CHRM1: variants seen among roughly 807,000 people sequenced by gnomAD.
CHRM1 encodes cholinergic receptor muscarinic 1.
A neutral mutation model predicts 31.6 loss-of-function variants in CHRM1; 5 were observed. The ratio of observed to expected loss-of-function variants is 0.16; its 90% CI spans 0.08 to 0.33. The LOEUF (loss-of-function observed/expected upper bound fraction) is 0.33, where lower values mean the gene tolerates loss of function less well. CHRM1 is among the 10% of genes least tolerant of loss of function. The pLI, the probability that CHRM1 is intolerant of heterozygous loss-of-function variation, is 1.00. For missense variants in CHRM1, 338 were observed against 610.3 expected, an observed-to-expected ratio of 0.55 and a Z score of 4.70; for synonymous variants, 227 against 249.7, an observed-to-expected ratio of 0.91 and a Z score of 0.86.
chr11:62,919,853 A>G (rs1392156005), intron 1 of CHRM1, among the ~76,000 whole-genome samples: 1 of 152,136 alleles, frequency 6.6e-6, no homozygotes, highest in African/African-American at 2.4e-5. Flanking sequence ...GACCATGAGC[A>G]TGTCCCTTTC....
chr11:62,910,249 G>C lies in CHRM1; in HGVS notation c.852C>G (p.Ser284=). 1 of 1,613,366 alleles carries C rather than the reference G, an allele frequency of 6.2e-7. No homozygotes were observed. Among genetic ancestry groups the C allele is most frequent in the East Asian group, 2.2e-5 (1 of 44,852 alleles). ...CCTCTGAGGATGTGAGGGACTCCAT[G>C]GAGCCTTCGTCCTCTTCCTCTTCTT... ...WKEEEEEDEG[S]MESLTSSEGE... The change falls in exon 2 of 2, where the codon TCC becomes TCG. Residue 284 remains serine, a synonymous_variant. Transcript: ENST00000306960. The surrounding 1 kb of genome is among the most constrained non-coding windows in gnomAD (Gnocchi z 8.7).
intron 1 of CHRM1, among the ~76,000 whole-genome samples, chr11:62,920,510 G>A (rs1310834529): frequency 6.6e-6 from 1 of 152,170 alleles, no homozygotes; most frequent in African/African-American, 2.4e-5. Context: ...GACCCACCCT[G>A]CGGGAGCCCA....
At position 62,910,375 on chromosome 11, in the gene CHRM1, C is replaced by T; in HGVS notation, c.726G>A (p.Glu242=). ...GKGGGSSSSS[E]RSQPGAEGSP... ...AGCCCTCAGCCCCTGGCTGAGACCT[C>T]TCTGAGCTGCTGCTGCTGCCACCCC... is the stretch of plus-strand genomic sequence containing the variant. Residue 242 remains glutamate, a synonymous_variant, in exon 2 of 2, where the codon GAG becomes GAA. Coordinates refer to ENST00000306960, the MANE Select transcript of CHRM1 (RefSeq NM_000738.3). The surrounding 1 kb of genome is among the most constrained non-coding windows in gnomAD (Gnocchi z 8.7). The T allele has an allele frequency of 6.2e-7, 1 of 1,610,366 alleles. No homozygotes were observed. Among genetic ancestry groups the T allele is most frequent in the Non-Finnish European group, 8.5e-7 (1 of 1,180,006 alleles).
chr11:62,912,283 G>A (rs906632262), intron 1 of CHRM1, among the ~76,000 whole-genome samples: 4 of 146,506 alleles, frequency 2.7e-5, no homozygotes, highest in African/African-American at 7.5e-5. Context: ...CAGGAGAATC[G>A]TTTGAACCTG....
At chr11:62,916,461 GAGA>G (rs1389246332) in intron 1 of CHRM1, among the ~76,000 whole-genome samples, 2 of 152,148 alleles carry the variant, frequency 1.3e-5, no homozygotes, top group Non-Finnish European at 2.9e-5. Flanking sequence ...GGGGACTTGT[GAGA>G]AGAAGTAACT....
chr11:62,910,322 C>T lies in CHRM1; in HGVS notation c.779G>A (p.Cys260Tyr), dbSNP rs2085863094. 2.5e-6 allele frequency: 4 copies of T among 1,610,866 alleles called. No individual in the cohort carries two copies. Among genetic ancestry groups the T allele is most frequent in the Non-Finnish European group, 2.5e-6 (3 of 1,179,998 alleles). ...GSPETPPGRC[C>Y]RCCRAPRLLQ... ...CAGCCTGGGGGCCCGGCAGCAGCGA[C>T]AGCAGCGGCCTGGAGGAGTCTCTGG... Residue 260 changes from cysteine (C) to tyrosine (Y), a missense_variant, in exon 2 of 2, where the codon TGT (cysteine) becomes TAT (tyrosine). By Grantham distance (194) the Cys-to-Tyr change is radical. Transcript: ENST00000306960. This position sits in a 1 kb window ranked among gnomAD's most constrained non-coding sequence, Gnocchi z 8.7.
In CHRM1 at chr11:62,908,909, C is replaced by T. The variant is rs370746316; in HGVS notation, c.*809G>A. 6.5e-6 allele frequency: 1 copy of T among 152,888 alleles called. No individual in the cohort carries two copies. The highest frequency in any genetic ancestry group is 1.5e-5 in the Non-Finnish European group (1 of 68,260). The allele number at this position is 152,888 out of a possible 1,614,324, so 9.5% of individuals were successfully genotyped here. On this transcript the variant is annotated 3_prime_UTR_variant, in exon 2 of 2. Transcript: ENST00000306960. ...TGGCTAGATCTGCATGGAGCAGATC[C>T]ATCCAGGTGGTGGCTGTGAGCCAGG...
rs186229377 is a variant in CHRM1, at chr11:62,916,073, G to T, written c.-78-4895C>A. 5.9e-5 allele frequency among the ~76,000 whole-genome samples: 9 copies of T among 152,250 alleles called. No homozygotes were observed. The East Asian group carries it at 1.7e-3, about 29-fold the overall frequency. On this transcript the variant is annotated intron_variant, in intron 1 of 1. Transcript: ENST00000306960. ...GATCCACCTGCCTCGGCCTCCCAAA[G>T]TACTGGGATTATAGGCATGAGCCAC...
At chr11:62,916,391 T>G (rs1161766079) in intron 1 of CHRM1, among the ~76,000 whole-genome samples, 2 of 152,196 alleles carry the variant, frequency 1.3e-5, no homozygotes, top group East Asian at 3.9e-4. Flanking sequence ...AGATTGCGAA[T>G]ACGGTGCCCA....
rs2067479 is a variant in CHRM1, at chr11:62,909,880, G to A, written c.1221C>T (p.Cys407=). ...TGGGGTTGATGGTGCTGTTGACGTAGCACAGCCAGTAGCCCAGCTCCCACA... is the reference window on the plus strand; with the variant it reads ...TGGGGTTGATGGTGCTGTTGACGTAACACAGCCAGTAGCCCAGCTCCCACA... ...ETLWELGYWL[C]YVNSTINPMC... Residue 407 remains cysteine (C), a synonymous_variant, in exon 2 of 2, where the codon TGC becomes TGT. Transcript: ENST00000306960. 85,123 of 1,614,200 alleles carry A rather than the reference G, an allele frequency of 0.053. 2,624 individuals carry two copies. The highest frequency in any genetic ancestry group is 0.061 in the Non-Finnish European group (72,045 of 1,180,024).
chr11:62,918,763 G>A (rs1190744843), intron 1 of CHRM1, among the ~76,000 whole-genome samples: 2 of 152,184 alleles, frequency 1.3e-5, no homozygotes, highest in East Asian at 3.9e-4. Context: ...CCAATCCCTA[G>A]GGGCTGGGGA....
Position 62,911,081 on chromosome 11 carries a change from G to T in CHRM1, c.20C>A (p.Pro7His). ...GACGGTGATGTTGGGGCTGACAGCA[G>T]GTGGGGCTGAAGTGTTCATGGTGGC... MNTSAP[P>H]AVSPNITVLA... The change falls in exon 2 of 2, where the codon CCT becomes CAT. Residue 7 changes from proline to histidine, a missense_variant. Coordinates refer to ENST00000306960, the MANE Select transcript of CHRM1 (RefSeq NM_000738.3). The T allele has an allele frequency of 6.2e-7, 1 of 1,614,110 alleles. No individual in the cohort carries two copies. The highest frequency in any genetic ancestry group is 8.5e-7 in the Non-Finnish European group (1 of 1,179,992).
At chr11:62,911,367 C>T (rs560238144) in intron 1 of CHRM1, among the ~76,000 whole-genome samples, 189 bp from the exon 2 acceptor site, 10 of 152,194 alleles carry the variant, frequency 6.6e-5, no homozygotes, top group Admixed American at 2.0e-4. Context: ...TTGCCAGCAG[C>T]GTGGAGTGGC....
At chr11:62,914,554 A>G (rs1437424375) in intron 1 of CHRM1, among the ~76,000 whole-genome samples, 1 of 152,208 alleles carries the variant, frequency 6.6e-6, no homozygotes, top group Non-Finnish European at 1.5e-5. Context: ...ACTGGTAGAC[A>G]CTACCCTTGA....
chr11:62,918,826 A>G (rs555741045), intron 1 of CHRM1, among the ~76,000 whole-genome samples: 1 of 152,200 alleles, frequency 6.6e-6, no homozygotes. Context: ...GGAGGCAGGG[A>G]AAGGGAAATG....
In CHRM1 at chr11:62,909,761, T is replaced by C; in HGVS notation, c.1340A>G (p.Lys447Arg). ...AGTGCGGTGCACGGAGCCAGGGCGC[T>C]TGGGGATCTTGCGCCAGCGTCTCTT... ...WDKRRWRKIPKRPGSVHRTPS... is the reference protein window; with the variant it reads ...WDKRRWRKIPRRPGSVHRTPS... Residue 447 changes from lysine to arginine, a missense_variant, in exon 2 of 2, where the codon AAG (lysine) becomes AGG (arginine). Transcript: ENST00000306960. 1 of 1,614,114 alleles carries C rather than the reference T, an allele frequency of 6.2e-7. No homozygotes were observed. Among genetic ancestry groups the C allele is most frequent in the African/African-American group, 1.3e-5 (1 of 75,074 alleles).
rs920082554 is a variant in CHRM1 at position 62,914,565 on chromosome 11, G to A, written c.-78-3387C>T. Among the ~76,000 whole-genome samples the A allele has an allele frequency of 3.3e-5, 5 of 152,222 alleles. No homozygotes were observed. The East Asian group carries it at 9.6e-4, about 29-fold the overall frequency. ...GGCCACTGGTAGACACTACCCTTGAGAATTTGTGCAATTCTTGTCACTGTC... is the reference window on the plus strand; with the variant it reads ...GGCCACTGGTAGACACTACCCTTGAAAATTTGTGCAATTCTTGTCACTGTC... On this transcript the variant is annotated intron_variant, in intron 1 of 1. Transcript: ENST00000306960.
rs555313150 is a variant in CHRM1, at chr11:62,910,819, G to A, written c.282C>T (p.Gly94=). The stretch of plus-strand genomic sequence containing the variant: ...CCAGCCAGAGGTCACAAGCCAGCGT[G>A]CCCAGAGCCCAGTGGCCCATGAGCA... The part of the protein sequence containing the change: ...TYLLMGHWAL[G]TLACDLWLAL... The change falls in exon 2 of 2, where the codon GGC becomes GGT. Residue 94 remains glycine, a synonymous_variant. Transcript: ENST00000306960. This position sits in a 1 kb window ranked among gnomAD's most constrained non-coding sequence, Gnocchi z 8.7. The A allele has an allele frequency of 6.8e-6, 11 of 1,614,190 alleles. No individual in the cohort carries two copies. In the African/African-American group the frequency reaches 1.5e-4, roughly 22 times the overall value.
chr11:62,918,800 G>A (rs2085914768), intron 1 of CHRM1, among the ~76,000 whole-genome samples: 1 of 152,164 alleles, frequency 6.6e-6, no homozygotes, highest in Non-Finnish European at 1.5e-5. Context: ...AACTGGGAGT[G>A]GAGAGAACCA....
Sources: allele counts gnomAD v4.1 joint callset (sites outside exome capture counted in the v4.1 genomes callset), GRCh38; gene constraint gnomAD v4.1.1; non-coding constraint Gnocchi (gnomAD v3.1); transcripts MANE v1.5; gene names NCBI Gene and HGNC (gene_info 2026-07-23, HGNC 2026-07-21).